The following MAP3K13 variants were observed in gnomAD, a reference collection of about 807,000 sequenced individuals.
The protein encoded by MAP3K13 is mitogen-activated protein kinase kinase kinase 13, also known as leucine zipper-bearing kinase.
A neutral mutation model predicts 104.0 loss-of-function variants in MAP3K13; 52 were observed. That is an observed-to-expected ratio of 0.50 (90% confidence interval 0.40 to 0.63). The LOEUF (loss-of-function observed/expected upper bound fraction) is 0.63, where lower values mean the gene tolerates loss of function less well. Ranked by LOEUF, MAP3K13 falls within the 20% of genes least tolerant of loss-of-function variation. MAP3K13 has a pLI of 0.00. For missense variants in MAP3K13, 914 were observed against 1,218.5 expected, an observed-to-expected ratio of 0.75 and a Z score of 3.72; for synonymous variants, 394 against 442.2, an observed-to-expected ratio of 0.89 and a Z score of 1.37.
rs997007815 is a variant in MAP3K13, at chr3:185,450,860, C to T, written c.1170-427C>T. On this transcript the variant is annotated intron_variant, in intron 6 of 13. Coordinates refer to ENST00000265026, the MANE Select transcript of MAP3K13 (RefSeq NM_004721.5). This position sits in a 1 kb window ranked among gnomAD's most constrained non-coding sequence, Gnocchi z 4.2. ...ATCCCAGCACTTTAGGAGGCCGAGG[C>T]GGGCGTATCACGAGGTCAGGAGATC... Among the ~76,000 whole-genome samples the T allele has an allele frequency of 5.3e-5, 8 of 152,108 alleles. No homozygotes were observed. Among genetic ancestry groups the T allele is most frequent in the Admixed American group, 1.3e-4 (2 of 15,252 alleles).
chr3:185,462,215 T>G (rs1717146663), intron 7 of MAP3K13, among the ~76,000 whole-genome samples: 1 of 152,242 alleles, frequency 6.6e-6, no homozygotes. Context: ...TTTCTCTCTG[T>G]GGCCTATTGC....
chr3:185,476,860 A>G (rs900489552), intron 11 of MAP3K13, among the ~76,000 whole-genome samples: 5 of 152,232 alleles, frequency 3.3e-5, no homozygotes, highest in African/African-American at 1.2e-4. Context: ...AAAAATGTCT[A>G]TCTAACTACA....
chr3:185,386,933 G>A (rs1245042342), intron 1 of MAP3K13, among the ~76,000 whole-genome samples: 1 of 152,106 alleles, frequency 6.6e-6, no homozygotes, highest in African/African-American at 2.4e-5. Context: ...GGAGGATCAG[G>A]AAGAATAAGC....
chr3:185,327,870 C>T (rs1325407254), intron 2 of MAP3K13, among the ~76,000 whole-genome samples: 1 of 151,420 alleles, frequency 6.6e-6, no homozygotes, highest in East Asian at 2.0e-4. Context: ...CAAGATCGTG[C>T]CACTGCACTC....
upstream of MAP3K13, among the ~76,000 whole-genome samples, chr3:185,359,358 G>A (rs1479505929): frequency 6.6e-6 from 1 of 152,090 alleles, no homozygotes; most frequent in African/African-American, 2.4e-5. Flanking sequence ...GGGATTATGG[G>A]ATTACAATTC....
intron 2 of MAP3K13, among the ~76,000 whole-genome samples, chr3:185,432,277 G>C (rs1714787890): frequency 7.4e-6 from 1 of 134,246 alleles, no homozygotes; most frequent in South Asian, 2.3e-4. Context: ...TGCAACCTCT[G>C]CCTTCTGGGT....
At chr3:185,465,291 CATT>C (rs1384094047) in intron 8 of MAP3K13, among the ~76,000 whole-genome samples, 2 of 152,150 alleles carry the variant, frequency 1.3e-5, no homozygotes, top group African/African-American at 4.8e-5. Context: ...CACCTCTTAA[CATT>C]ATCATCTTGG....
chr3:185,383,103 T>C (rs544018918), intron 1 of MAP3K13, among the ~76,000 whole-genome samples: 42 of 127,050 alleles, frequency 3.3e-4, no homozygotes, highest in African/African-American at 1.3e-3. Context: ...TGAGTGAGAA[T>C]ATGCGGTGTT....
At chr3:185,480,011 G>A (rs998255372) in intron 12 of MAP3K13, 31 of 574,344 alleles carry the variant, frequency 5.4e-5, no homozygotes, top group South Asian at 2.5e-4. Flanking sequence ...GAATACAGTC[G>A]CACTGGTATT....
At chr3:185,468,508 TC>T (rs1414053902) in intron 10 of MAP3K13, among the ~76,000 whole-genome samples, 1 of 152,184 alleles carries the variant, frequency 6.6e-6, no homozygotes, top group African/African-American at 2.4e-5. Context: ...GTTGGCTCTC[TC>T]CTAGCTAAGT....
upstream of MAP3K13, among the ~76,000 whole-genome samples, chr3:185,360,392 C>G (rs565486915): frequency 6.6e-6 from 1 of 152,304 alleles, no homozygotes; most frequent in South Asian, 2.1e-4. Flanking sequence ...CTGTACTTCT[C>G]TAGAGTGTAC....
intron 2 of MAP3K13, among the ~76,000 whole-genome samples, chr3:185,434,320 G>A (rs1714906425): frequency 6.6e-6 from 1 of 152,166 alleles, no homozygotes; most frequent in South Asian, 2.1e-4. Flanking sequence ...ACAAATGTGA[G>A]CACCGGCAGT....
At chr3:185,294,752 A>G (rs1374603137) in intron 2 of MAP3K13, among the ~76,000 whole-genome samples, 1 of 152,200 alleles carries the variant, frequency 6.6e-6, no homozygotes, top group African/African-American at 2.4e-5. Context: ...CTACCTCTCC[A>G]TGTAGGAAGT....
chr3:185,301,253 G>A (rs1171576092), intron 2 of MAP3K13, among the ~76,000 whole-genome samples: 2 of 151,168 alleles, frequency 1.3e-5, no homozygotes, highest in African/African-American at 2.4e-5. Context: ...TATGTTTGTC[G>A]GTCATTTGTA....
intron 1 of MAP3K13, among the ~76,000 whole-genome samples, chr3:185,424,448 A>G (rs940860956): frequency 6.6e-6 from 1 of 152,236 alleles, no homozygotes; most frequent in Non-Finnish European, 1.5e-5. Context: ...TGAGTATATT[A>G]CTTTAGAGAA....
At chr3:185,441,675 G>C (rs1182721141) in intron 3 of MAP3K13, among the ~76,000 whole-genome samples, 1 of 152,108 alleles carries the variant, frequency 6.6e-6, no homozygotes. Flanking sequence ...GGCCAAGACG[G>C]GTGGATCACT....
intron 10 of MAP3K13, among the ~76,000 whole-genome samples, chr3:185,471,201 T>C (rs1288470037): frequency 2.6e-5 from 4 of 151,886 alleles, no homozygotes; most frequent in African/African-American, 4.8e-5. Flanking sequence ...GCTAACTTTC[T>C]AAAACACTCC....
chr3:185,306,765 T>C (rs1452310588), intron 2 of MAP3K13, among the ~76,000 whole-genome samples: 1 of 152,216 alleles, frequency 6.6e-6, no homozygotes, highest in Admixed American at 6.5e-5. Flanking sequence ...TCATTTGCTG[T>C]ACAGAAGCTC....
At chr3:185,345,706 G>T (rs1217707676) in intron 2 of MAP3K13, among the ~76,000 whole-genome samples, 1 of 152,130 alleles carries the variant, frequency 6.6e-6, no homozygotes, top group Non-Finnish European at 1.5e-5. Flanking sequence ...AGGAAAAAAA[G>T]CACAGGGCTC....
Sources: allele counts gnomAD v4.1 joint callset (sites outside exome capture counted in the v4.1 genomes callset), GRCh38; gene constraint gnomAD v4.1.1; non-coding constraint Gnocchi (gnomAD v3.1); transcripts MANE v1.5; gene names NCBI Gene and HGNC (gene_info 2026-07-23, HGNC 2026-07-21).